Variants in VPS13A observed in about 807,000 individuals in gnomAD.
VPS13A encodes the protein intermembrane lipid transfer protein VPS13A.
Under a neutral mutation model 390.9 loss-of-function variants are expected in VPS13A, and 264 were observed. The ratio of observed to expected loss-of-function variants is 0.68; its 90% CI spans 0.61 to 0.75. The LOEUF is 0.75. Among genes scored for constraint, VPS13A ranks in the 30% least tolerant of loss-of-function variants. VPS13A has a pLI of 0.00. For missense variants in VPS13A, 3,409 were observed against 3,733.9 expected, an observed-to-expected ratio of 0.91 and a Z score of 2.27; for synonymous variants, 1,231 against 1,227.1, an observed-to-expected ratio of 1.00 and a Z score of -0.07.
intron 33 of VPS13A, among the ~76,000 whole-genome samples, chr9:77,302,599 C>G (rs891452046): frequency 6.6e-6 from 1 of 151,928 alleles, no homozygotes; most frequent in Non-Finnish European, 1.5e-5. Flanking sequence ...TCTCAAACTC[C>G]TAACCTCAAG....
intron 50 of VPS13A, 144 bp from the exon 51 acceptor site, chr9:77,344,009 C>A: frequency 2.8e-6 from 2 of 720,128 alleles, no homozygotes; most frequent in Non-Finnish European, 4.4e-6. Context: ...AAGTTTACAG[C>A]TGTTTAAACA....
At chr9:77,326,135 T>C (rs1830007272) in intron 45 of VPS13A, among the ~76,000 whole-genome samples, 1 of 152,196 alleles carries the variant, frequency 6.6e-6, no homozygotes, top group Admixed American at 6.5e-5. Flanking sequence ...TTCCTATATT[T>C]GCTTTTCTAC....
At chr9:77,380,464 A>T (rs11145406) in intron 67 of VPS13A, among the ~76,000 whole-genome samples, 1 of 151,826 alleles carries the variant, frequency 6.6e-6, no homozygotes, top group South Asian at 2.1e-4. Context: ...TGCACATGCC[A>T]CCACGCCCGG....
At chr9:77,405,074 A>G (rs1834537656) in intron 69 of VPS13A, among the ~76,000 whole-genome samples, 1 of 152,212 alleles carries the variant, frequency 6.6e-6, no homozygotes, top group Non-Finnish European at 1.5e-5. Flanking sequence ...TTAAGAAGAA[A>G]GACATTTGAA....
chr9:77,237,038 T>C (rs7045107), intron 17 of VPS13A, among the ~76,000 whole-genome samples: 75,062 of 151,698 alleles, frequency 0.49, 18,775 homozygotes, highest in South Asian at 0.6. Flanking sequence ...TACAGGCATG[T>C]ACCACCACAC....
rs544549602 is a variant in VPS13A at position 77,377,084 on chromosome 9, T to C, written c.9078-4892T>C. Among the ~76,000 whole-genome samples, 43 of 152,252 alleles carry C rather than the reference T, an allele frequency of 2.8e-4. No individual in the cohort carries two copies. In the South Asian group the frequency reaches 8.1e-3, roughly 29 times the overall value. On this transcript the variant is annotated intron_variant, in intron 67 of 71. Coordinates refer to ENST00000360280, the MANE Select transcript of VPS13A (RefSeq NM_033305.3). Reference sequence around the variant, plus strand: ...AGTATTATCTTTTAACCTGTGAAAATGCAACGTCTTTCCATTTATTTAGGT... The same window carrying C: ...AGTATTATCTTTTAACCTGTGAAAACGCAACGTCTTTCCATTTATTTAGGT...
At chr9:77,191,101 C>T (rs544522760) in intron 1 of VPS13A, among the ~76,000 whole-genome samples, 1 of 151,830 alleles carries the variant, frequency 6.6e-6, no homozygotes, top group Non-Finnish European at 1.5e-5. Flanking sequence ...GGTTGATTTG[C>T]TCATTTTTCT....
At chr9:77,280,283 C>G (rs754964728) in intron 27 of VPS13A, 45 bp downstream of exon 27, 30 of 1,476,856 alleles carry the variant, frequency 2.0e-5, no homozygotes, top group Non-Finnish European at 2.3e-5. Flanking sequence ...AAGTATGCTG[C>G]TGAAATGTTA....
chr9:77,410,117 C>T (rs1180060935), intron 71 of VPS13A, among the ~76,000 whole-genome samples: 1 of 152,146 alleles, frequency 6.6e-6, no homozygotes, highest in Non-Finnish European at 1.5e-5. Context: ...CTCTACAAGC[C>T]AGAAGAGAGT....
At chr9:77,296,620 T>C (rs2131378235) in intron 33 of VPS13A, among the ~76,000 whole-genome samples, 1 of 152,306 alleles carries the variant, frequency 6.6e-6, no homozygotes, top group East Asian at 1.9e-4. Context: ...AATTGTATAT[T>C]TTTAAAGCAG....
chr9:77,398,813 T>G (rs150276706), intron 68 of VPS13A, among the ~76,000 whole-genome samples: 324 of 152,150 alleles, frequency 2.1e-3, no homozygotes, highest in African/African-American at 7.2e-3. Flanking sequence ...GTCACTCTAA[T>G]AACAAAGGAT....
At chr9:77,377,268 G>A (rs1049921928) in intron 67 of VPS13A, among the ~76,000 whole-genome samples, 6 of 130,202 alleles carry the variant, frequency 4.6e-5, no homozygotes, top group Admixed American at 3.7e-4. Context: ...GCCAGACTGC[G>A]GACTGCAGTG....
At chr9:77,212,624 C>T (rs1826032386) in intron 7 of VPS13A, among the ~76,000 whole-genome samples, 1 of 152,190 alleles carries the variant, frequency 6.6e-6, no homozygotes, top group Non-Finnish European at 1.5e-5. Context: ...GTGTGAGCCA[C>T]TGCACCCAAT....
Position 77,260,351 on chromosome 9 carries a change from C to CT in VPS13A, c.2427+150dup, listed in dbSNP as rs750675055. ...TTTTGAATAGACATTAAGAAAATTA[C>CT]TTTTTTTTTTTTTTTTTTTTTTTGA... On this transcript the variant is annotated intron_variant, in intron 23 of 71. Transcript: ENST00000360280. 30,227 of 370,194 alleles carry CT rather than the reference C, an allele frequency of 0.082. 48 individuals are homozygous for CT. Among genetic ancestry groups the CT allele is most frequent in the South Asian group, 0.099 (3,803 of 38,456 alleles). 22.9% of individuals were successfully genotyped at this position (370,194 alleles called of 1,614,324 possible). A position where few individuals can be genotyped will look rare whatever the true frequency, so the allele number is the denominator to read the frequency against.
chr9:77,380,977 C>CCGGT (rs1833399216), intron 67 of VPS13A, among the ~76,000 whole-genome samples: 1 of 152,176 alleles, frequency 6.6e-6, no homozygotes, highest in Non-Finnish European at 1.5e-5. Context: ...AGGCTATGGA[C>CCGGT]CGGTACTGGT....
chr9:77,416,602 A>G lies in VPS13A; in HGVS notation c.*596A>G, dbSNP rs934511299. On this transcript the variant is annotated 3_prime_UTR_variant, in exon 72 of 72. Coordinates refer to ENST00000360280, the MANE Select transcript of VPS13A (RefSeq NM_033305.3). The stretch of plus-strand genomic sequence containing the variant: ...AAAATGCATAGCATTATTAAAAACA[A>G]TCTTTTAAAATATAATTTATAACAT... The G allele has an allele frequency of 7.2e-5, 11 of 152,438 alleles. No homozygotes were observed. Among genetic ancestry groups the G allele is most frequent in the African/African-American group, 2.6e-4 (11 of 41,584 alleles). 9.4% of individuals were successfully genotyped at this position (152,438 alleles called of 1,614,324 possible). A position where few individuals can be genotyped will look rare whatever the true frequency, so the allele number is the denominator to read the frequency against.
chr9:77,299,133 A>G (rs1324493975), intron 33 of VPS13A, among the ~76,000 whole-genome samples: 1 of 152,080 alleles, frequency 6.6e-6, no homozygotes, highest in Non-Finnish European at 1.5e-5. Context: ...CGTTTTGGTA[A>G]CAGTACTATG....
At chr9:77,198,522 A>G (rs1431880353) in intron 1 of VPS13A, among the ~76,000 whole-genome samples, 2 of 152,096 alleles carry the variant, frequency 1.3e-5, no homozygotes, top group African/African-American at 4.8e-5. Flanking sequence ...AGTGATGCCC[A>G]GGTATCTTTG....
rs117258674 is a variant in VPS13A, at chr9:77,384,593, A to G, written c.9189+2506A>G. 881 of 1,611,488 alleles carry G rather than the reference A, an allele frequency of 5.5e-4. 2 individuals carry two copies. Among genetic ancestry groups the G allele is most frequent in the African/African-American group, 2.1e-3 (158 of 74,978 alleles). ...CTTTGCCATGCTTACAGAAAATTCAATTCTACAGGGAGTGGATTATGACTC... is the reference window on the plus strand; with the variant it reads ...CTTTGCCATGCTTACAGAAAATTCAGTTCTACAGGGAGTGGATTATGACTC... On this transcript the variant is annotated intron_variant, in intron 68 of 71. Coordinates refer to ENST00000360280, the MANE Select transcript of VPS13A (RefSeq NM_033305.3).
Sources: gnomAD v4.1 joint callset for allele counts (sites outside exome capture counted in the v4.1 genomes callset) on GRCh38, gnomAD v4.1.1 for gene constraint, MANE v1.5 for transcripts, NCBI Gene and HGNC (gene_info 2026-07-23, HGNC 2026-07-21) for gene names.